Variants in FSIP1 observed in about 807,000 individuals in gnomAD.
The protein encoded by FSIP1 is fibrous sheath interacting protein 1.
A neutral mutation model predicts 60.9 loss-of-function variants in FSIP1; 65 were observed. That is an observed-to-expected ratio of 1.07 (90% CI 0.87 to 1.31). The LOEUF (loss-of-function observed/expected upper bound fraction) is 1.31, where lower values mean the gene tolerates loss of function less well. FSIP1 is among the 40% of genes most tolerant of loss of function. The pLI, the probability that FSIP1 is intolerant of heterozygous loss-of-function variation, is 0.00. For missense variants in FSIP1, 675 were observed against 665.5 expected (o/e 1.01, Z -0.16); for synonymous variants, 209 against 221.2 (o/e 0.94, Z 0.49).
At chr15:39,733,265 A>G (rs2140618856) in intron 8 of FSIP1, among the ~76,000 whole-genome samples, 1 of 152,306 alleles carries the variant, frequency 6.6e-6, no homozygotes, top group African/African-American at 2.4e-5. Context: ...TCCTAGCCCC[A>G]AGTGATCCTC....
intron 10 of FSIP1, among the ~76,000 whole-genome samples, chr15:39,654,984 A>C (rs548280395): frequency 6.6e-6 from 1 of 152,360 alleles, no homozygotes; most frequent in East Asian, 1.9e-4. Flanking sequence ...TAATCAGTTA[A>C]AAACATCAAA....
At chr15:39,680,443 T>C (rs1894115661) in intron 10 of FSIP1, among the ~76,000 whole-genome samples, 2 of 152,212 alleles carry the variant, frequency 1.3e-5, no homozygotes, top group Non-Finnish European at 2.9e-5. Flanking sequence ...TCAAGACTCA[T>C]TTCCCAGCCT....
chr15:39,664,521 C>T (rs558872413), intron 10 of FSIP1, among the ~76,000 whole-genome samples: 1 of 152,120 alleles, frequency 6.6e-6, no homozygotes, highest in Non-Finnish European at 1.5e-5. Context: ...AGAAAAATCA[C>T]ATAAGCAAGC....
chr15:39,650,011 G>C (rs905976105), intron 10 of FSIP1, among the ~76,000 whole-genome samples: 1 of 152,220 alleles, frequency 6.6e-6, no homozygotes, highest in African/African-American at 2.4e-5. Context: ...CTCTTCAGCT[G>C]TGCTGATTCC....
chr15:39,661,328 T>C (rs1423133171), intron 10 of FSIP1, among the ~76,000 whole-genome samples: 3 of 152,200 alleles, frequency 2.0e-5, no homozygotes, highest in Non-Finnish European at 2.9e-5. Context: ...ATACAATAGA[T>C]CTGGACAGAT....
At chr15:39,749,562 C>T (rs1327522309) in intron 5 of FSIP1, among the ~76,000 whole-genome samples, 1 of 151,930 alleles carries the variant, frequency 6.6e-6, no homozygotes, top group Non-Finnish European at 1.5e-5. Context: ...GATTGAAAGA[C>T]AAAAACCACA....
intron 10 of FSIP1, among the ~76,000 whole-genome samples, chr15:39,656,227 T>C (rs1293850704): frequency 6.6e-6 from 1 of 152,204 alleles, no homozygotes; most frequent in Non-Finnish European, 1.5e-5. Context: ...AAGGCTTCAA[T>C]AGCATAATGC....
In FSIP1 at chr15:39,622,181, C is replaced by T. The variant is rs1313488700; in HGVS notation, c.1189-3936G>A. Among the ~76,000 whole-genome samples the T allele has an allele frequency of 3.3e-5, 5 of 152,162 alleles. No homozygotes were observed. The East Asian group carries it at 5.8e-4, about 18-fold the overall frequency. ...AAGTAACCATCTGTTCAAGTATTCA[C>T]CTCAAAGTATTCATCTTTCGTGCCA... On this transcript the variant is annotated intron_variant, in intron 10 of 11. Transcript: ENST00000350221.
chr15:39,617,267 G>A (rs1436857410), intron 11 of FSIP1, among the ~76,000 whole-genome samples: 2 of 152,224 alleles, frequency 1.3e-5, no homozygotes, highest in East Asian at 1.9e-4. Flanking sequence ...ACACTAGATC[G>A]TGACGAAACA....
chr15:39,659,403 G>T (rs1003171782), intron 10 of FSIP1, among the ~76,000 whole-genome samples: 1 of 151,892 alleles, frequency 6.6e-6, no homozygotes, highest in Non-Finnish European at 1.5e-5. Context: ...TTAGCCAGGC[G>T]TGGTGGCGGG....
At chr15:39,733,159 T>C (rs983754696) in intron 8 of FSIP1, among the ~76,000 whole-genome samples, 1 of 152,164 alleles carries the variant, frequency 6.6e-6, no homozygotes, top group Non-Finnish European at 1.5e-5. Context: ...GCCTGCCAAG[T>C]AGCTGGGATT....
At chr15:39,660,748 A>G (rs1490528078) in intron 10 of FSIP1, among the ~76,000 whole-genome samples, 1 of 152,218 alleles carries the variant, frequency 6.6e-6, no homozygotes, top group African/African-American at 2.4e-5. Flanking sequence ...TCTTATGTGA[A>G]GTAGACACCT....
intron 11 of FSIP1, among the ~76,000 whole-genome samples, chr15:39,603,932 T>C (rs761473317): frequency 6.6e-5 from 10 of 152,170 alleles, no homozygotes; most frequent in Non-Finnish European, 1.2e-4. Flanking sequence ...AGGTCTGCAG[T>C]GGGCCTGGCA....
intron 5 of FSIP1, among the ~76,000 whole-genome samples, chr15:39,747,062 TCCTC>T (rs1371175468): frequency 7.2e-6 from 1 of 138,030 alleles, no homozygotes; most frequent in African/African-American, 2.5e-5. Flanking sequence ...CTTTCTTCCT[TCCTC>T]TTTCCTCCCT....
intron 5 of FSIP1, among the ~76,000 whole-genome samples, chr15:39,746,528 C>T (rs1896999005): frequency 6.6e-6 from 1 of 152,150 alleles, no homozygotes; most frequent in African/African-American, 2.4e-5. Context: ...TGAGCAGACT[C>T]AAGGCAGATG....
chr15:39,674,459 C>T (rs190542011), intron 10 of FSIP1, among the ~76,000 whole-genome samples: 27 of 152,004 alleles, frequency 1.8e-4, no homozygotes, highest in African/African-American at 5.3e-4. Context: ...CTTTTGAAAA[C>T]GAAAAGCAAG....
chr15:39,771,575 A>G (rs1301308346), intron 2 of FSIP1, among the ~76,000 whole-genome samples: 1 of 152,190 alleles, frequency 6.6e-6, no homozygotes, highest in Non-Finnish European at 1.5e-5. Flanking sequence ...ACTCAGTGGT[A>G]ATAATCATAG....
At position 39,618,125 on chromosome 15, in the gene FSIP1, C is replaced by G. The variant is rs765219996; in HGVS notation, c.1309G>C (p.Val437Leu). The change falls in exon 11 of 12, where the codon GTA becomes CTA. Residue 437 changes from valine (V) to leucine (L), a missense_variant. Val to Leu is a conservative substitution (Grantham distance 32, BLOSUM62 1). Coordinates refer to ENST00000350221, the MANE Select transcript of FSIP1 (RefSeq NM_152597.5). The part of the protein sequence containing the change: ...SERKKEDIED[V>L]TPVFPQLSRS... ...GAAAGCTGGGGGAACACAGGTGTTA[C>G]GTCCTCAATGTCTTCCTTTTTTCTT... 2.5e-6 allele frequency: 4 copies of G among 1,614,172 alleles called. No homozygotes were observed. The African/African-American group carries it at 4.0e-5, about 16-fold the overall frequency.
intron 9 of FSIP1, among the ~76,000 whole-genome samples, chr15:39,719,337 T>C (rs1424903851): frequency 6.6e-6 from 1 of 152,196 alleles, no homozygotes; most frequent in African/African-American, 2.4e-5. Flanking sequence ...CAGGAATGCC[T>C]TCATGGAGAA....
Sources: allele counts gnomAD v4.1 joint callset (sites outside exome capture counted in the v4.1 genomes callset), GRCh38; gene constraint gnomAD v4.1.1; transcripts MANE v1.5; gene names NCBI Gene and HGNC (gene_info 2026-07-23, HGNC 2026-07-21).